Variants in HNRNPH1 observed in about 807,000 individuals in gnomAD.
HNRNPH1 encodes heterogeneous nuclear ribonucleoprotein H1.
HNRNPH1 carries 4 observed loss-of-function variants against 58.6 expected under a neutral mutation model. That is an observed-to-expected ratio of 0.07 (90% CI 0.03 to 0.16). HNRNPH1 has a LOEUF of 0.16. Ranked by LOEUF, HNRNPH1 falls within the 10% of genes least tolerant of loss-of-function variation. The pLI, the probability that HNRNPH1 is intolerant of heterozygous loss-of-function variation, is 1.00. For synonymous variants in HNRNPH1, 192 were observed against 189.2 expected (o/e 1.01, Z -0.12); for missense variants, 271 against 564.2 (o/e 0.48, Z 5.26).
At chr5:179,616,351 CCTA>C (rs747471989) in intron 10 of HNRNPH1, 133 bp from the exon 12 acceptor site, 9 of 743,776 alleles carry the variant, frequency 1.2e-5, no homozygotes, top group African/African-American at 1.7e-5. Context: ...CCTCCTTCTG[CCTA>C]CTGTCTATAA....
intron 11 of HNRNPH1, 199 bp from the exon 13 acceptor site, chr5:179,615,794 A>C: frequency 1.9e-6 from 1 of 513,770 alleles, no homozygotes; most frequent in Non-Finnish European, 3.5e-6. Context: ...AAAAGTGAAC[A>C]ACTTTATTTA....
In HNRNPH1 at chr5:179,616,554, A is replaced by G. The variant is rs946646090; in HGVS notation, c.1207+315T>C. The stretch of plus-strand genomic sequence containing the variant: ...AGTTTGATACATCAAAGGCATGTCA[A>G]TACACCTAATTATGCCCACATTTAT... On this transcript the variant is annotated intron_variant, in intron 10 of 12. Transcript: ENST00000356731. 24 of 513,438 alleles carry G rather than the reference A, an allele frequency of 4.7e-5. No homozygotes were observed. The East Asian group carries it at 8.2e-4, about 17-fold the overall frequency. 31.8% of individuals were successfully genotyped at this position (513,438 alleles called of 1,614,324 possible). A position where few individuals can be genotyped will look rare whatever the true frequency, so the allele number is the denominator to read the frequency against.
chr5:179,620,416 G>C (rs1771787339), intron 3 of HNRNPH1, among the ~76,000 whole-genome samples: 1 of 152,138 alleles, frequency 6.6e-6, no homozygotes, highest in African/African-American at 2.4e-5. Context: ...TACCACACAG[G>C]TTAAACCAAG....
At chr5:179,618,554 G>A (rs1770878352) in intron 4 of HNRNPH1, 4 of 390,574 alleles carry the variant, frequency 1.0e-5, no homozygotes, top group Middle Eastern at 1.4e-3. Flanking sequence ...CTCTGAGGCA[G>A]AGCCCAACCT....
At chr5:179,617,525 T>C in exon 8 of HNRNPH1, 1 of 1,613,704 alleles carries the variant, frequency 6.2e-7, no homozygotes, top group Non-Finnish European at 8.5e-7. Context: ...CATATTTGCT[T>C]TGTCTTTTGA....
At chr5:179,614,763 T>G in exon 13 of HNRNPH1, 1 of 763,500 alleles carries the variant, frequency 1.3e-6, no homozygotes. Context: ...GCAGAAACTG[T>G]TAAACTGAAG....
chr5:179,629,310 GTAA>G (rs770909378), upstream of HNRNPH1: 694 of 139,172 alleles, frequency 5.0e-3, 4 homozygotes, highest in Non-Finnish European at 7.6e-3. Flanking sequence ...AAAAAAAAAA[GTAA>G]TAATAATGAT....
At chr5:179,628,940 C>A (rs1774589127), upstream of HNRNPH1, among the ~76,000 whole-genome samples, 1 of 152,064 alleles carries the variant, frequency 6.6e-6, no homozygotes, top group South Asian at 2.1e-4. Flanking sequence ...AAGATCACAC[C>A]ACTGCACTCC....
At chr5:179,626,500 G>A (rs1256221757), upstream of HNRNPH1, among the ~76,000 whole-genome samples, 3 of 151,528 alleles carry the variant, frequency 2.0e-5, no homozygotes, top group African/African-American at 7.3e-5. Context: ...GGTGGATCAA[G>A]AGTTCAGGAG....
intron 9 of HNRNPH1, 27 bp from the exon 11 acceptor site, chr5:179,616,985 G>T (rs1047824214): frequency 7.6e-7 from 1 of 1,307,990 alleles, no homozygotes; most frequent in African/African-American, 1.8e-5. Flanking sequence ...GGCATACAAG[G>T]TTAGCTTAAA....
upstream of HNRNPH1, among the ~76,000 whole-genome samples, chr5:179,625,910 A>G (rs1774347997): frequency 6.6e-6 from 1 of 151,678 alleles, no homozygotes; most frequent in Non-Finnish European, 1.5e-5. Context: ...GTAGGACCAC[A>G]GGCATGTGCC....
At chr5:179,617,476 C>CTT (rs763419456) in intron 8 of HNRNPH1, 38 bp downstream of exon 9, 1 of 1,596,394 alleles carries the variant, frequency 6.3e-7, no homozygotes, top group Non-Finnish European at 8.5e-7. Flanking sequence ...GTCACACAAT[C>CTT]ACCTGTTAAG....
intron 3 of HNRNPH1, chr5:179,620,600 T>A (rs940131457): frequency 3.2e-6 from 1 of 311,774 alleles, no homozygotes; most frequent in Non-Finnish European, 6.1e-6. Context: ...TTGAGGTACT[T>A]AGCTGGACAC....
chr5:179,616,653 C>G, intron 10 of HNRNPH1: 1 of 577,972 alleles, frequency 1.7e-6, no homozygotes, highest in Non-Finnish European at 3.1e-6. Flanking sequence ...TAGTCCCCTC[C>G]CCCAAGACTA....
At chr5:179,622,607 A>C (rs937994287) in intron 1 of HNRNPH1, among the ~76,000 whole-genome samples, 1 of 152,200 alleles carries the variant, frequency 6.6e-6, no homozygotes, top group Admixed American at 6.5e-5. Context: ...GACACTCGGG[A>C]GACTGAGGCA....
intron 2 of HNRNPH1, among the ~76,000 whole-genome samples, chr5:179,632,503 C>T (rs1048365922): frequency 6.6e-6 from 1 of 152,210 alleles, no homozygotes; most frequent in African/African-American, 2.4e-5. Context: ...GCTCCACAAC[C>T]ACGTAAACGA....
At chr5:179,615,509 G>C (rs777386707) in intron 12 of HNRNPH1, 37 bp downstream of exon 13, 1 of 1,104,032 alleles carries the variant, frequency 9.1e-7, no homozygotes, top group Admixed American at 1.8e-5. Flanking sequence ...ATCAGTATTT[G>C]CTATTGGGAA....
chr5:179,630,130 C>T (rs1253243191), intron 2 of HNRNPH1, among the ~76,000 whole-genome samples: 2 of 152,026 alleles, frequency 1.3e-5, no homozygotes, highest in Admixed American at 6.6e-5. Flanking sequence ...GGGTGGATTA[C>T]CTGAGGTCGG....
At chr5:179,630,632 CCTGACGCGGGGG>C (rs1230606156) in intron 2 of HNRNPH1, among the ~76,000 whole-genome samples, 1 of 151,766 alleles carries the variant, frequency 6.6e-6, no homozygotes, top group Non-Finnish European at 1.5e-5. Context: ...TACATTTCGG[CCTGACGCGGGGG>C]CTCACGCCTG....
Sources: gnomAD v4.1 joint callset for allele counts (sites outside exome capture counted in the v4.1 genomes callset) on GRCh38, gnomAD v4.1.1 for gene constraint, MANE v1.5 for transcripts, NCBI Gene and HGNC (gene_info 2026-07-23, HGNC 2026-07-21) for gene names.